DNAH8: variants seen among roughly 807,000 people sequenced by gnomAD.
DNAH8 encodes the protein dynein axonemal heavy chain 8, also known as axonemal beta dynein heavy chain 8.
A neutral mutation model predicts 562.1 loss-of-function variants in DNAH8; 382 were observed. The observed-to-expected ratio is 0.68, with a 90% CI of 0.63 to 0.74. DNAH8 has a LOEUF of 0.74. Among genes scored for constraint, DNAH8 ranks in the 30% least tolerant of loss-of-function variants. The pLI is 0.00. For synonymous variants in DNAH8, 1,881 were observed against 1,919.4 expected, an observed-to-expected ratio of 0.98 and a Z score of 0.52; for missense variants, 5,203 against 5,620.4, an observed-to-expected ratio of 0.93 and a Z score of 2.37.
At chr6:38,889,837 A>C (rs959722929) in intron 57 of DNAH8, among the ~76,000 whole-genome samples, 36 of 152,146 alleles carry the variant, frequency 2.4e-4, no homozygotes, top group African/African-American at 8.4e-4. Flanking sequence ...AACAAACTCC[A>C]GTTTCTTTAG....
chr6:38,831,505 A>G (rs1773835716), intron 30 of DNAH8, among the ~76,000 whole-genome samples: 1 of 152,008 alleles, frequency 6.6e-6, no homozygotes, highest in South Asian at 2.1e-4. Flanking sequence ...GGTTAGTGTT[A>G]AACCCACTAA....
chr6:38,751,829 A>T (rs541359575), intron 9 of DNAH8, among the ~76,000 whole-genome samples: 1 of 152,200 alleles, frequency 6.6e-6, no homozygotes, highest in South Asian at 2.1e-4. Context: ...GGATTTCCCC[A>T]TTTTTCCTGG....
At chr6:38,837,450 C>T (rs567620663) in intron 32 of DNAH8, among the ~76,000 whole-genome samples, 5 of 152,238 alleles carry the variant, frequency 3.3e-5, no homozygotes, top group African/African-American at 1.2e-4. Context: ...TGTGCATTAA[C>T]TTTGGTGATT....
intron 82 of DNAH8, among the ~76,000 whole-genome samples, chr6:38,962,899 C>T (rs1242026779): frequency 1.3e-5 from 2 of 152,146 alleles, no homozygotes; most frequent in Non-Finnish European, 2.9e-5. Context: ...AACATATGTT[C>T]TCACTCATAA....
At chr6:38,776,644 C>T (rs557942909) in intron 13 of DNAH8, among the ~76,000 whole-genome samples, 1 of 152,338 alleles carries the variant, frequency 6.6e-6, no homozygotes, top group Non-Finnish European at 1.5e-5. Context: ...ATGGATCACT[C>T]TTCCTGTGGC....
chr6:38,860,152 G>A (rs557647549), intron 42 of DNAH8, among the ~76,000 whole-genome samples: 1 of 152,158 alleles, frequency 6.6e-6, no homozygotes, highest in Non-Finnish European at 1.5e-5. Flanking sequence ...AGATATCCTG[G>A]AGTAGTTAGG....
intron 9 of DNAH8, among the ~76,000 whole-genome samples, chr6:38,755,149 C>G (rs1342877747): frequency 1.3e-5 from 2 of 152,022 alleles, no homozygotes; most frequent in Admixed American, 1.3e-4. Flanking sequence ...GAGTTAGATT[C>G]CTCATCTTGG....
At chr6:38,861,949 G>GTTTTTTTTTTTTTTTTT (rs10677373) in intron 43 of DNAH8, among the ~76,000 whole-genome samples, 1 of 134,690 alleles carries the variant, frequency 7.4e-6, no homozygotes. Context: ...TGAAAACCAG[G>GTTTTTTTTTTTTTTTTT]TTTTTTTTTT....
intron 22 of DNAH8, among the ~76,000 whole-genome samples, chr6:38,804,787 GAGAA>G (rs1220090203): frequency 9.1e-6 from 1 of 110,470 alleles, no homozygotes; most frequent in Admixed American, 9.0e-5. Context: ...GAGAGAGAGA[GAGAA>G]AGAGAAAACT....
At chr6:38,843,119 A>G (rs767461432) in intron 35 of DNAH8, among the ~76,000 whole-genome samples, 51 of 152,090 alleles carry the variant, frequency 3.4e-4, no homozygotes, top group Non-Finnish European at 5.0e-4. Context: ...TATTTGAAAT[A>G]CATTTGTTCT....
intron 58 of DNAH8, 39 bp downstream of exon 58, chr6:38,890,800 T>C (rs763130280): frequency 2.2e-5 from 30 of 1,381,036 alleles, no homozygotes; most frequent in Middle Eastern, 1.8e-4. Context: ...AAAAGGCAAC[T>C]ATTATTCAGC....
rs757286533 is a variant in DNAH8, at chr6:38,886,828, A to T, written c.8297A>T (p.Glu2766Val). Residue 2766 changes from glutamate (E) to valine (V), a missense_variant, in exon 57 of 93, where the codon GAA becomes GTA. Transcript: ENST00000327475. ...ATTGTGCGACAGATGATGGAAATGG[A>T]AGGAATGTACAGCTTGGACAAGCCT... ...NEIVRQMMEM[E>V]GMYSLDKPGD... is the part of the protein sequence containing the mutation. The T allele has an allele frequency of 6.2e-7, 1 of 1,614,080 alleles. No homozygotes were observed. The highest frequency in any genetic ancestry group is 1.1e-5 in the South Asian group (1 of 91,082).
chr6:38,732,200 TTATACAG>T (rs1287129979), intron 4 of DNAH8, among the ~76,000 whole-genome samples: 1 of 152,226 alleles, frequency 6.6e-6, no homozygotes, highest in Non-Finnish European at 1.5e-5. Context: ...TAACATTCCA[TTATACAG>T]CTGCATTGTG....
At chr6:38,935,278 G>A (rs1782859166) in intron 76 of DNAH8, among the ~76,000 whole-genome samples, 1 of 152,146 alleles carries the variant, frequency 6.6e-6, no homozygotes. Context: ...CAAGAGAATG[G>A]GACATGCTAT....
At chr6:38,839,833 T>A (rs1375970352) in intron 33 of DNAH8, among the ~76,000 whole-genome samples, 4 of 152,140 alleles carry the variant, frequency 2.6e-5, no homozygotes, top group African/African-American at 9.7e-5. Flanking sequence ...CGGCTAATTT[T>A]ATATTTTTAG....
Position 38,935,659 on chromosome 6 carries a change from T to C in DNAH8, c.11525T>C (p.Leu3842Pro). The C allele has an allele frequency of 6.2e-7, 1 of 1,613,292 alleles. No homozygotes were observed. The highest frequency in any genetic ancestry group is 1.7e-4 in the Middle Eastern group (1 of 6,054). ...TTTAATAAGCGGAAGATGAAAGAAC[T>C]TGAAGATAACCTCCTCTATAAATTA... is the stretch of plus-strand genomic sequence containing the variant. Reference protein sequence around the residue: ...VTFNKRKMKELEDNLLYKLSA... With the variant: ...VTFNKRKMKEPEDNLLYKLSA... The change falls in exon 77 of 93, where the codon CTT (leucine) becomes CCT (proline). Residue 3842 changes from leucine (L) to proline (P), a missense_variant. Around this residue, in one of 6 missense-constraint regions of DNAH8, gnomAD observed 1,399 missense variants for 1,518.4 expected, o/e 0.92. Transcript: ENST00000327475.
chr6:39,001,552 A>G (rs1353972182), intron 88 of DNAH8, among the ~76,000 whole-genome samples: 1 of 152,108 alleles, frequency 6.6e-6, no homozygotes, highest in African/African-American at 2.4e-5. Context: ...TAACTTGGGA[A>G]CAGTCAAAGA....
In DNAH8 at chr6:39,013,988, G is replaced by T. The variant is rs1203981624; in HGVS notation, c.13714+1351G>T. 2.6e-5 allele frequency among the ~76,000 whole-genome samples: 4 copies of T among 152,090 alleles called. No individual in the cohort carries two copies. The East Asian group carries it at 7.7e-4, about 29-fold the overall frequency. ...CCCTTGGTGAAAATTCCTTGATATT[G>T]CTGTATACTGATGATTTGTGCAGGG... On this transcript the variant is annotated intron_variant, in intron 91 of 92. Transcript: ENST00000327475.
At chr6:38,972,528 A>G (rs914947169) in intron 83 of DNAH8, among the ~76,000 whole-genome samples, 1 of 152,148 alleles carries the variant, frequency 6.6e-6, no homozygotes, top group South Asian at 2.1e-4. Context: ...GTTTCACTCT[A>G]TTGAGTGATT....
Sources: allele counts gnomAD v4.1 joint callset (sites outside exome capture counted in the v4.1 genomes callset), GRCh38; gene constraint gnomAD v4.1.1; regional missense constraint gnomAD v4.1.1; transcripts MANE v1.5; gene names NCBI Gene and HGNC (gene_info 2026-07-23, HGNC 2026-07-21).